The following SEMA6D variants were observed in gnomAD, a reference collection of about 807,000 sequenced individuals.
SEMA6D encodes the protein semaphorin 6D.
SEMA6D carries 35 observed loss-of-function variants against 106.6 expected under a neutral mutation model. The ratio of observed to expected loss-of-function variants is 0.33; its 90% CI spans 0.25 to 0.44. The LOEUF (loss-of-function observed/expected upper bound fraction) is 0.44. Among genes scored for constraint, SEMA6D ranks in the 20% least tolerant of loss-of-function variants. SEMA6D has a pLI of 1.00. For synonymous variants in SEMA6D, 499 were observed against 487.7 expected (o/e 1.02, Z -0.31); for missense variants, 1,185 against 1,345.9 (o/e 0.88, Z 1.87).
chr15:47,734,819 CA>C, intron 1 of SEMA6D, among the ~76,000 whole-genome samples: 1 of 152,124 alleles, frequency 6.6e-6, no homozygotes, highest in East Asian at 1.9e-4. Context: ...ATTATGGGAC[CA>C]AAATAAAAAT....
At chr15:47,685,069 G>A (rs995930175) in intron 4 of SEMA6D, among the ~76,000 whole-genome samples, 8 of 152,020 alleles carry the variant, frequency 5.3e-5, no homozygotes, top group Non-Finnish European at 7.4e-5. Flanking sequence ...GAAAAACTCA[G>A]AACATATTCT....
At chr15:47,609,092 T>C (rs1329630367) in intron 4 of SEMA6D, among the ~76,000 whole-genome samples, 1 of 152,214 alleles carries the variant, frequency 6.6e-6, no homozygotes, top group Non-Finnish European at 1.5e-5. Flanking sequence ...TCATGAATTT[T>C]CACTGACTGT....
At chr15:47,557,358 C>A (rs993231423) in intron 3 of SEMA6D, among the ~76,000 whole-genome samples, 4 of 152,180 alleles carry the variant, frequency 2.6e-5, no homozygotes, top group African/African-American at 7.2e-5. Flanking sequence ...TGTGATTTTA[C>A]TATGTATTTA....
chr15:47,415,596 T>C (rs1390020893), intron 2 of SEMA6D, among the ~76,000 whole-genome samples: 3 of 152,152 alleles, frequency 2.0e-5, no homozygotes, highest in Non-Finnish European at 2.9e-5. Flanking sequence ...TTTTTAGCTA[T>C]TGACCCACAG....
At chr15:47,471,276 A>G (rs1488439805) in intron 3 of SEMA6D, among the ~76,000 whole-genome samples, 1 of 152,106 alleles carries the variant, frequency 6.6e-6, no homozygotes, top group Non-Finnish European at 1.5e-5. Context: ...TGTTGAAATC[A>G]TTGCTGACTC....
chr15:47,468,972 C>T (rs185412027), intron 2 of SEMA6D, among the ~76,000 whole-genome samples: 3 of 152,122 alleles, frequency 2.0e-5, no homozygotes, highest in Non-Finnish European at 4.4e-5. Context: ...TTTTCATTGG[C>T]CCCTGAACTC....
At chr15:47,696,119 G>A (rs1156604893) in intron 4 of SEMA6D, among the ~76,000 whole-genome samples, 1 of 152,132 alleles carries the variant, frequency 6.6e-6, no homozygotes, top group African/African-American at 2.4e-5. Context: ...CTTGACCTAA[G>A]TTGATGATGG....
At chr15:47,434,123 A>C (rs1173389852) in intron 2 of SEMA6D, among the ~76,000 whole-genome samples, 1 of 152,162 alleles carries the variant, frequency 6.6e-6, no homozygotes, top group East Asian at 1.9e-4. Context: ...TGAGGCCTCC[A>C]CTGAAAGAGA....
intron 1 of SEMA6D, among the ~76,000 whole-genome samples, chr15:47,235,362 A>T (rs191980624): frequency 1.1e-3 from 160 of 151,584 alleles, no homozygotes; most frequent in African/African-American, 3.8e-3. Context: ...TTTTTTTATT[A>T]TGTTGCATTT....
At chr15:47,760,615 A>G (rs2082007232) in intron 3 of SEMA6D, among the ~76,000 whole-genome samples, 200 bp downstream of exon 3, 1 of 152,188 alleles carries the variant, frequency 6.6e-6, no homozygotes, top group Non-Finnish European at 1.5e-5. Flanking sequence ...CTATTTTATT[A>G]CTGCCATCAA....
chr15:47,764,148 T>C, intron 10 of SEMA6D, 26 bp from the exon 11 acceptor site: 1 of 1,613,098 alleles, frequency 6.2e-7, no homozygotes, highest in Non-Finnish European at 8.5e-7. Context: ...CGCCAGCCTC[T>C]TCCTGATGAT....
Position 47,702,507 on chromosome 15 carries a change from G to A in SEMA6D, c.-54-57238G>A, listed in dbSNP as rs186622885. ...ATGCTTACCATACAATCCAACAATC[G>A]CACATTTTAGTATTTACCCAGAGGA... On this transcript the variant is annotated intron_variant, in intron 4 of 19. Transcript: ENST00000558014. Among the ~76,000 whole-genome samples the A allele has an allele frequency of 1.4e-3, 209 of 152,232 alleles. 1 individual carries two copies. Among genetic ancestry groups the A allele is most frequent in the African/African-American group, 4.9e-3 (204 of 41,534 alleles).
chr15:47,698,779 G>A (rs2078751085), intron 4 of SEMA6D, among the ~76,000 whole-genome samples: 1 of 152,010 alleles, frequency 6.6e-6, no homozygotes, highest in Non-Finnish European at 1.5e-5. Context: ...CAGCATCTTT[G>A]TCAATGCAAC....
chr15:47,507,222 A>G (rs140679929), intron 3 of SEMA6D, among the ~76,000 whole-genome samples: 5 of 152,364 alleles, frequency 3.3e-5, no homozygotes, highest in African/African-American at 1.2e-4. Flanking sequence ...AATGGAGACT[A>G]AATGAGAAGA....
At chr15:47,535,069 C>CAAA (rs796493775) in intron 3 of SEMA6D, among the ~76,000 whole-genome samples, 10 of 93,262 alleles carry the variant, frequency 1.1e-4, no homozygotes, top group African/African-American at 2.6e-4. Flanking sequence ...AAGAATGTGA[C>CAAA]AAAAAAAAAA....
chr15:47,295,108 C>G (rs1010885942), intron 1 of SEMA6D, among the ~76,000 whole-genome samples: 1 of 152,170 alleles, frequency 6.6e-6, no homozygotes, highest in African/African-American at 2.4e-5. Flanking sequence ...CCGTTGCTCA[C>G]TTTTCACTAG....
intron 3 of SEMA6D, among the ~76,000 whole-genome samples, chr15:47,559,983 A>G (rs7175417): frequency 6.6e-6 from 1 of 152,082 alleles, no homozygotes; most frequent in African/African-American, 2.4e-5. Context: ...ATAAAACAAA[A>G]TAAATGATAA....
chr15:47,387,631 G>A (rs900252297), intron 1 of SEMA6D, among the ~76,000 whole-genome samples: 12 of 152,210 alleles, frequency 7.9e-5, no homozygotes, highest in Non-Finnish European at 1.5e-4. Flanking sequence ...TCAGGTAACA[G>A]TTACATCAGG....
intron 3 of SEMA6D, among the ~76,000 whole-genome samples, chr15:47,488,554 T>A (rs2141394492): frequency 6.6e-6 from 1 of 152,288 alleles, no homozygotes; most frequent in East Asian, 1.9e-4. Context: ...TGAAAAATAC[T>A]GTTTTAATTC....
Sources: gnomAD v4.1 joint callset for allele counts (sites outside exome capture counted in the v4.1 genomes callset) on GRCh38, gnomAD v4.1.1 for gene constraint, MANE v1.5 for transcripts, NCBI Gene and HGNC (gene_info 2026-07-23, HGNC 2026-07-21) for gene names.